MARCO: variants seen among roughly 807,000 people sequenced by gnomAD.
MARCO encodes the protein macrophage receptor MARCO.
A neutral mutation model predicts 70.0 loss-of-function variants in MARCO; 72 were observed. The observed-to-expected ratio is 1.03, with a 90% CI of 0.85 to 1.25. MARCO has a LOEUF of 1.25. MARCO is among the 50% of genes most tolerant of loss of function. The probability of loss-of-function intolerance (pLI) is 0.00; values close to 1 mark genes in which losing one functional copy is unlikely to be tolerated. For missense variants in MARCO, 696 were observed against 659.3 expected (o/e 1.06, Z -0.61); for synonymous variants, 273 against 243.1 (o/e 1.12, Z -1.14).
Position 118,992,432 on chromosome 2 carries a change from G to A in MARCO, c.1208G>A (p.Gly403Glu), listed in dbSNP as rs1680640601. The change falls in exon 15 of 17, where the codon GGA becomes GAA. Residue 403 changes from glycine (G) to glutamate (E), a missense_variant and splice_region_variant. Transcript: ENST00000327097. The part of the protein sequence containing the change: ...AGQKGDQGVK[G>E]SSGEQGVKGE... ...CGTGTGGGTTTTCTCCTCATGACAGGATCTTCTGGGGAGCAAGGAGTAAAG... is the reference window on the plus strand; with the variant it reads ...CGTGTGGGTTTTCTCCTCATGACAGAATCTTCTGGGGAGCAAGGAGTAAAG... 4 of 1,613,792 alleles carry A rather than the reference G, an allele frequency of 2.5e-6. No individual in the cohort carries two copies. In the East Asian group the frequency reaches 6.7e-5, roughly 27 times the overall value.
At chr2:118,942,717 GGT>G (rs1211770817) in intron 1 of MARCO, among the ~76,000 whole-genome samples, 4 of 151,928 alleles carry the variant, frequency 2.6e-5, no homozygotes, top group African/African-American at 9.7e-5. Flanking sequence ...CTGACACACA[GGT>G]TGGGTGATAC....
intron 1 of MARCO, among the ~76,000 whole-genome samples, chr2:118,945,404 C>CTT (rs55684033): frequency 3.3e-5 from 4 of 123,062 alleles, no homozygotes; most frequent in Admixed American, 8.4e-5. Flanking sequence ...CCTCTTGTTT[C>CTT]TTTTTTTTTT....
intron 13 of MARCO, among the ~76,000 whole-genome samples, 196 bp downstream of exon 13, chr2:118,990,829 T>C (rs1357631673): frequency 3.9e-5 from 6 of 152,008 alleles, no homozygotes; most frequent in African/African-American, 7.2e-5. Context: ...CTCAACATCC[T>C]GAGGGGTGTA....
intron 13 of MARCO, among the ~76,000 whole-genome samples, chr2:118,991,266 T>TC (rs398104658): frequency 1.7e-4 from 25 of 151,370 alleles, no homozygotes; most frequent in Admixed American, 1.5e-3. Flanking sequence ...TTTTTTTTTT[T>TC]CAATTTTTTT....
chr2:118,979,369 C>G lies in MARCO; in HGVS notation c.766+1434C>G, dbSNP rs79058880. Among the ~76,000 whole-genome samples, 1,275 of 152,194 alleles carry G rather than the reference C, an allele frequency of 8.4e-3. 12 individuals carry two copies. Among genetic ancestry groups the G allele is most frequent in the African/African-American group, 0.028 (1,176 of 41,526 alleles). On this transcript the variant is annotated intron_variant, in intron 8 of 16. Transcript: ENST00000327097. ...ATGGGTTTTAGCGGGAAGCTGACTG[C>G]TGGGAGGGGAGGAGGGGCTGCAGAA...
At chr2:118,947,454 G>C (rs1210941747) in intron 1 of MARCO, among the ~76,000 whole-genome samples, 1 of 152,126 alleles carries the variant, frequency 6.6e-6, no homozygotes, top group African/African-American at 2.4e-5. Flanking sequence ...GGGACTAGAG[G>C]CTCATACCAC....
At position 118,994,623 on chromosome 2, in the gene MARCO, C is replaced by G; in HGVS notation, c.*103C>G. ...TTCCCTGGGGACAACTGAGCAGCCT[C>G]TGGAGAGGGGCCATTAATAAAGCTC... is the stretch of plus-strand genomic sequence containing the variant. On this transcript the variant is annotated 3_prime_UTR_variant, in exon 17 of 17. Transcript: ENST00000327097. The G allele has an allele frequency of 4.2e-6, 5 of 1,184,262 alleles. No homozygotes were observed. The highest frequency in any genetic ancestry group is 4.7e-6 in the Non-Finnish European group (4 of 853,250). The allele number at this position is 1,184,262 out of a possible 1,614,324, so 73.4% of individuals were successfully genotyped here. A position where few individuals can be genotyped will look rare whatever the true frequency, so the allele number is the denominator to read the frequency against.
chr2:118,957,782 A>G (rs770516812), intron 1 of MARCO, among the ~76,000 whole-genome samples: 46 of 151,778 alleles, frequency 3.0e-4, no homozygotes, highest in Non-Finnish European at 5.6e-4. Flanking sequence ...TATGGTGGAT[A>G]TCATAAAGAT....
At chr2:118,954,180 A>G (rs988309484) in intron 1 of MARCO, among the ~76,000 whole-genome samples, 4 of 152,162 alleles carry the variant, frequency 2.6e-5, no homozygotes, top group Admixed American at 2.6e-4. Context: ...GCAAGTTTTC[A>G]AGGCTGTCTC....
At chr2:118,957,876 A>T (rs1679867890) in intron 1 of MARCO, among the ~76,000 whole-genome samples, 1 of 152,188 alleles carries the variant, frequency 6.6e-6, no homozygotes, top group African/African-American at 2.4e-5. Context: ...GATACACCAC[A>T]TAAACAGAAT....
chr2:118,960,120 A>ATAG lies in MARCO; in HGVS notation c.98-9038_98-9037insGTA, dbSNP rs1389727939. Among the ~76,000 whole-genome samples the ATAG allele has an allele frequency of 7.9e-5, 12 of 151,268 alleles. No homozygotes were observed. In the East Asian group the frequency reaches 2.3e-3, roughly 29 times the overall value. On this transcript the variant is annotated intron_variant, in intron 1 of 16. Transcript: ENST00000327097. ...ATAACTTATGGAAAAATAAAATAAA[A>ATAG]TAATAATAATAATAATAAATAAAAA... is the stretch of plus-strand genomic sequence containing the variant.
At chr2:118,986,982 G>A (rs1202609156) in intron 12 of MARCO, among the ~76,000 whole-genome samples, 1 of 152,050 alleles carries the variant, frequency 6.6e-6, no homozygotes, top group African/African-American at 2.4e-5. Context: ...AGAACACCAG[G>A]TCCCTGACAG....
In MARCO at chr2:118,982,168, T is replaced by G; in HGVS notation, c.914T>G (p.Leu305Arg). 1.2e-6 allele frequency: 2 copies of G among 1,611,536 alleles called. No individual in the cohort carries two copies. The highest frequency in any genetic ancestry group is 1.7e-6 in the Non-Finnish European group (2 of 1,178,278). Residue 305 changes from leucine to arginine, a missense_variant, in exon 11 of 17, where the codon CTG (leucine) becomes CGG (arginine). Leu to Arg is a moderately radical substitution (Grantham distance 102, BLOSUM62 -2). Around this residue, in one of 3 missense-constraint regions of MARCO, gnomAD observed 605 missense variants for 537.6 expected, o/e 1.13. Transcript: ENST00000327097. ...GAKGDQGQPG[L>R]QGVPGPPGAV... ...ACTTTCCTTTCAGGACAACCTGGAC[T>G]GCAGGGTGTTCCGGGCCCTCCTGGT... is the stretch of plus-strand genomic sequence containing the variant.
intron 1 of MARCO, among the ~76,000 whole-genome samples, chr2:118,957,770 G>C (rs1679865862): frequency 6.6e-6 from 1 of 151,682 alleles, no homozygotes; most frequent in African/African-American, 2.4e-5. Flanking sequence ...CAAAATACTA[G>C]TTATGGTGGA....
intron 1 of MARCO, among the ~76,000 whole-genome samples, chr2:118,951,798 C>A (rs1435759340): frequency 6.6e-6 from 1 of 152,154 alleles, no homozygotes; most frequent in Non-Finnish European, 1.5e-5. Context: ...CTCTTTCTCT[C>A]TCTTCCTTGA....
chr2:118,957,813 G>C (rs1056569564), intron 1 of MARCO, among the ~76,000 whole-genome samples: 1 of 151,972 alleles, frequency 6.6e-6, no homozygotes, highest in Non-Finnish European at 1.5e-5. Context: ...GGATCAAGTG[G>C]GTTTCATAGC....
chr2:118,971,456 G>A (rs746176613), intron 3 of MARCO, 43 bp from the exon 4 acceptor site: 1 of 1,608,106 alleles, frequency 6.2e-7, no homozygotes, highest in Non-Finnish European at 8.5e-7. Flanking sequence ...TGGGCCAAGG[G>A]TACCCCACAG....
chr2:118,951,877 ATCTC>A (rs760021037), intron 1 of MARCO, among the ~76,000 whole-genome samples: 3 of 139,778 alleles, frequency 2.1e-5, no homozygotes, highest in African/African-American at 8.0e-5. Flanking sequence ...CTGATTCTCC[ATCTC>A]TCTCTCTCTC....
intron 1 of MARCO, chr2:118,950,027 G>A (rs1042911024): frequency 7.9e-5 from 12 of 152,156 alleles, no homozygotes; most frequent in African/African-American, 2.9e-4. Flanking sequence ...GGACTTTATA[G>A]TCCTTTGTGC....
Sources: gnomAD v4.1 joint callset for allele counts (sites outside exome capture counted in the v4.1 genomes callset) on GRCh38, gnomAD v4.1.1 for gene constraint, gnomAD v4.1.1 regional missense constraint, MANE v1.5 for transcripts, NCBI Gene and HGNC (gene_info 2026-07-23, HGNC 2026-07-21) for gene names.